The following ST8SIA4 variants were observed in gnomAD, a reference collection of about 807,000 sequenced individuals.
ST8SIA4 encodes the protein ST8 alpha-N-acetyl-neuraminide alpha-2,8-sialyltransferase 4.
In ST8SIA4, 15 loss-of-function variants were observed where a neutral mutation model predicts 33.9. That is an observed-to-expected ratio of 0.44 (90% CI 0.30 to 0.68). The LOEUF is 0.68. Among genes scored for constraint, ST8SIA4 ranks in the 30% least tolerant of loss-of-function variants. The pLI is 0.10. For synonymous variants in ST8SIA4, 171 were observed against 151.2 expected, an observed-to-expected ratio of 1.13 and a Z score of -0.96; for missense variants, 321 against 428.0, an observed-to-expected ratio of 0.75 and a Z score of 2.21.
intron 3 of ST8SIA4, among the ~76,000 whole-genome samples, chr5:100,857,009 C>G (rs555365612): frequency 1.3e-5 from 2 of 152,182 alleles, no homozygotes. Context: ...TTTAATATGA[C>G]TTTCTGGGGT....
intron 1 of ST8SIA4, among the ~76,000 whole-genome samples, chr5:100,898,071 T>A (rs1752818716): frequency 6.6e-6 from 1 of 152,206 alleles, no homozygotes; most frequent in Admixed American, 6.5e-5. Context: ...GATGTATCAG[T>A]GTCATCTTTT....
At chr5:100,865,934 G>A (rs1348065223) in intron 3 of ST8SIA4, among the ~76,000 whole-genome samples, 1 of 152,076 alleles carries the variant, frequency 6.6e-6, no homozygotes, top group Non-Finnish European at 1.5e-5. Context: ...TACTAATTAT[G>A]AGAATTCTGT....
rs545314381 is a variant in ST8SIA4 at position 100,812,419 on chromosome 5, C to T, written c.798-290G>A. Reference sequence around the variant, plus strand: ...CACCTTTGAAATGAATAATAGCAAACATTTATATAACATGCAGAGTAAAAT... The same window carrying T: ...CACCTTTGAAATGAATAATAGCAAATATTTATATAACATGCAGAGTAAAAT... On this transcript the variant is annotated intron_variant, in intron 4 of 4. Coordinates refer to ENST00000231461, the MANE Select transcript of ST8SIA4 (RefSeq NM_005668.6). Among the ~76,000 whole-genome samples the T allele has an allele frequency of 4.0e-5, 6 of 151,872 alleles. No homozygotes were observed. The East Asian group carries it at 1.2e-3, about 29-fold the overall frequency.
At chr5:100,852,019 A>C (rs1751709294) in intron 4 of ST8SIA4, among the ~76,000 whole-genome samples, 5 of 151,770 alleles carry the variant, frequency 3.3e-5, no homozygotes, top group Non-Finnish European at 7.4e-5. Flanking sequence ...TATAAATAAG[A>C]AGCTTTTATT....
chr5:100,843,547 T>C (rs1484725107), intron 4 of ST8SIA4, among the ~76,000 whole-genome samples: 1 of 151,872 alleles, frequency 6.6e-6, no homozygotes. Flanking sequence ...AACCAGAGGA[T>C]ATAGCTAAAC....
intron 4 of ST8SIA4, among the ~76,000 whole-genome samples, chr5:100,851,994 A>C (rs1027956233): frequency 2.6e-5 from 4 of 151,422 alleles, no homozygotes; most frequent in Non-Finnish European, 5.9e-5. Flanking sequence ...TATATTAATA[A>C]TTTTCTTAGA....
chr5:100,827,378 T>C (rs1478828930), intron 4 of ST8SIA4, among the ~76,000 whole-genome samples: 1 of 152,116 alleles, frequency 6.6e-6, no homozygotes, highest in Non-Finnish European at 1.5e-5. Flanking sequence ...CCCTCTCACA[T>C]GAAAACTAAG....
Position 100,810,887 on chromosome 5 carries a change from A to T in ST8SIA4, c.*960T>A, listed in dbSNP as rs912909659. ...GAGCCGTGCAAAATAAAACTTTTTT[A>T]AAAATGTCGGCCAGGCACGGTGGCT... On this transcript the variant is annotated 3_prime_UTR_variant, in exon 5 of 5. Coordinates refer to ENST00000231461, the MANE Select transcript of ST8SIA4 (RefSeq NM_005668.6). 2.6e-5 allele frequency: 4 copies of T among 152,554 alleles called. No individual in the cohort carries two copies. Among genetic ancestry groups the T allele is most frequent in the Admixed American group, 6.5e-5 (1 of 15,274 alleles). The allele number at this position is 152,554 out of a possible 1,614,324, so 9.5% of individuals were successfully genotyped here. A position where few individuals can be genotyped will look rare whatever the true frequency, so the allele number is the denominator to read the frequency against.
intron 4 of ST8SIA4, among the ~76,000 whole-genome samples, chr5:100,837,207 C>T (rs1332572836): frequency 1.3e-5 from 2 of 151,936 alleles, no homozygotes; most frequent in Non-Finnish European, 2.9e-5. Context: ...AATACTTTTT[C>T]TTTGTCCAAA....
intron 4 of ST8SIA4, among the ~76,000 whole-genome samples, chr5:100,834,765 C>T (rs1724728232): frequency 6.6e-6 from 1 of 152,070 alleles, no homozygotes; most frequent in Non-Finnish European, 1.5e-5. Context: ...TCTCTTGACC[C>T]TGCTCTCACC....
chr5:100,879,481 G>A (rs548461696), intron 3 of ST8SIA4, among the ~76,000 whole-genome samples: 24 of 152,110 alleles, frequency 1.6e-4, no homozygotes, highest in African/African-American at 5.5e-4. Flanking sequence ...AGAAATAATA[G>A]AGATGTTGTG....
rs770040556 is a variant in ST8SIA4 at position 100,856,392 on chromosome 5, T to A, written c.508A>T (p.Asn170Tyr). The A allele has an allele frequency of 1.2e-6, 2 of 1,611,322 alleles. No homozygotes were observed. The highest frequency in any genetic ancestry group is 2.2e-5 in the South Asian group (2 of 90,854). The change falls in exon 4 of 5, where the codon AAT (asparagine) becomes TAT (tyrosine). Residue 170 changes from asparagine to tyrosine, a missense_variant. By Grantham distance (143) the Asn-to-Tyr change is moderately radical. Transcript: ENST00000231461. Reference sequence around the variant, plus strand: ...GCAAACTCCACCACAGGAGCTAGATTACACCTGAAGAGGAAAAAATTAATG... The same window carrying A: ...GCAAACTCCACCACAGGAGCTAGATAACACCTGAAGAGGAAAAAATTAATG... ...IDSHNFVIRCNLAPVVEFAAD... is the reference protein window; with the variant it reads ...IDSHNFVIRCYLAPVVEFAAD...
intron 4 of ST8SIA4, among the ~76,000 whole-genome samples, chr5:100,829,830 C>G (rs112658757): frequency 0.24 from 36,733 of 151,292 alleles, 5,670 homozygotes; most frequent in Non-Finnish European, 0.34. Flanking sequence ...ATGGCGTGAA[C>G]CCGGGAGGCG....
At chr5:100,875,550 T>C (rs1427717624) in intron 3 of ST8SIA4, among the ~76,000 whole-genome samples, 2 of 152,134 alleles carry the variant, frequency 1.3e-5, no homozygotes, top group Non-Finnish European at 2.9e-5. Flanking sequence ...ATATTTTAAA[T>C]GTGGTATGTG....
intron 2 of ST8SIA4, among the ~76,000 whole-genome samples, chr5:100,887,107 G>T (rs1752554542): frequency 6.6e-6 from 1 of 151,854 alleles, no homozygotes; most frequent in Non-Finnish European, 1.5e-5. Flanking sequence ...TTATACATAT[G>T]ATATGTATAT....
intron 4 of ST8SIA4, among the ~76,000 whole-genome samples, chr5:100,843,573 GA>G (rs1751510428): frequency 6.6e-6 from 1 of 151,904 alleles, no homozygotes. Flanking sequence ...CATTGCTGAA[GA>G]AATGAAGTCT....
intron 3 of ST8SIA4, among the ~76,000 whole-genome samples, chr5:100,866,954 A>G (rs1410286824): frequency 6.6e-6 from 1 of 152,156 alleles, no homozygotes; most frequent in African/African-American, 2.4e-5. Flanking sequence ...TAATTTAAAT[A>G]TGACATATTA....
intron 4 of ST8SIA4, among the ~76,000 whole-genome samples, chr5:100,834,776 A>G (rs1409635159): frequency 6.6e-6 from 1 of 152,082 alleles, no homozygotes; most frequent in African/African-American, 2.4e-5. Context: ...TGCTCTCACC[A>G]TGTGAGAGCC....
chr5:100,852,306 G>A (rs1026283824), intron 4 of ST8SIA4, among the ~76,000 whole-genome samples: 3 of 151,298 alleles, frequency 2.0e-5, no homozygotes, highest in African/African-American at 7.3e-5. Context: ...ATTTTTAGTA[G>A]AGGCGGGGTT....
Sources: allele counts gnomAD v4.1 joint callset (sites outside exome capture counted in the v4.1 genomes callset), GRCh38; gene constraint gnomAD v4.1.1; transcripts MANE v1.5; gene names NCBI Gene and HGNC (gene_info 2026-07-23, HGNC 2026-07-21).